Variants in ADAMTS2 observed in about 807,000 individuals in gnomAD.
ADAMTS2 encodes the protein ADAM metallopeptidase with thrombospondin type 1 motif 2, also known as A disintegrin and metalloproteinase with thrombospondin motifs 2.
In ADAMTS2, 50 loss-of-function variants were observed where a neutral mutation model predicts 123.0. That is an observed-to-expected ratio of 0.41 (90% CI 0.32 to 0.51). The LOEUF is 0.51. Among genes scored for constraint, ADAMTS2 ranks in the 20% least tolerant of loss-of-function variants. The probability of loss-of-function intolerance (pLI) is 0.35; values close to 1 mark genes in which losing one functional copy is unlikely to be tolerated. For missense variants in ADAMTS2, 1,494 were observed against 1,705.2 expected (o/e 0.88, Z 2.18); for synonymous variants, 678 against 695.4 (o/e 0.98, Z 0.39).
chr5:179,114,201 T>C lies in ADAMTS2; in HGVS notation c.3302A>G (p.Asn1101Ser). 1.9e-6 allele frequency: 3 copies of C among 1,611,946 alleles called. No individual in the cohort carries two copies. The highest frequency in any genetic ancestry group is 2.5e-6 in the Non-Finnish European group (3 of 1,178,220). ...KSCNLYNNLT[N>S]VEGRIEPPPG... ...CGGTGGCTCTATCCTGCCCTCCACGTTGGTGAGGTTGTTGTACAGGTTACA... is the reference window on the plus strand; with the variant it reads ...CGGTGGCTCTATCCTGCCCTCCACGCTGGTGAGGTTGTTGTACAGGTTACA... Residue 1101 changes from asparagine (N) to serine (S), a missense_variant, in exon 22 of 22, where the codon AAC (asparagine) becomes AGC (serine). Physicochemically the swap from Asn to Ser is conservative, Grantham distance 46. Around this residue, in one of 6 missense-constraint regions of ADAMTS2, gnomAD observed 953 missense variants for 1,124.7 expected, o/e 0.85. Transcript: ENST00000251582.
intron 3 of ADAMTS2, among the ~76,000 whole-genome samples, chr5:179,236,739 C>T (rs1371722708): frequency 3.9e-5 from 6 of 152,112 alleles, no homozygotes; most frequent in Admixed American, 1.3e-4. Context: ...TGCAGTAAGC[C>T]GAGTCCATGC....
intron 3 of ADAMTS2, among the ~76,000 whole-genome samples, chr5:179,243,768 T>C (rs562527097): frequency 2.3e-4 from 35 of 152,228 alleles, no homozygotes; most frequent in Non-Finnish European, 4.1e-4. Context: ...AATATGTCTT[T>C]GAAAAAAGGA....
intron 11 of ADAMTS2, among the ~76,000 whole-genome samples, chr5:179,139,199 C>T (rs1236261452): frequency 6.6e-6 from 1 of 152,048 alleles, no homozygotes; most frequent in Non-Finnish European, 1.5e-5. Flanking sequence ...CCGGGACACT[C>T]CCTGGGTGAG....
intron 13 of ADAMTS2, among the ~76,000 whole-genome samples, chr5:179,135,084 TCCAGCCC>T (rs1251862953): frequency 1.9e-4 from 7 of 37,636 alleles, no homozygotes; most frequent in Non-Finnish European, 3.0e-4. Flanking sequence ...AGCTCCCGGC[TCCAGCCC>T]CCAGCTCCCG....
rs1763465189 is a variant in ADAMTS2, at chr5:179,156,145, A to T, written c.1133-1226T>A. The stretch of plus-strand genomic sequence containing the variant: ...CTTTCCATTCATCCTACTCAGCATT[A>T]CAGGAGCCTGCGAGATCTGAAAGCG... On this transcript the variant is annotated intron_variant, in intron 6 of 21. Transcript: ENST00000251582. Among the ~76,000 whole-genome samples, 3 of 152,038 alleles carry T rather than the reference A, an allele frequency of 2.0e-5. No homozygotes were observed. In the South Asian group the frequency reaches 6.2e-4, roughly 32 times the overall value.
chr5:179,336,948 C>T (rs1757629233), intron 2 of ADAMTS2, among the ~76,000 whole-genome samples: 1 of 152,232 alleles, frequency 6.6e-6, no homozygotes, highest in Non-Finnish European at 1.5e-5. Context: ...TGGTCCTGGA[C>T]ACTAGGGTTC....
intron 21 of ADAMTS2, chr5:179,120,967 A>G (rs1262392923): frequency 6.6e-6 from 1 of 152,192 alleles, no homozygotes; most frequent in Non-Finnish European, 1.5e-5. Flanking sequence ...AAATTGAGGT[A>G]ATTCTGTAGT....
intron 2 of ADAMTS2, among the ~76,000 whole-genome samples, chr5:179,280,521 A>C (rs1447674844): frequency 6.6e-6 from 1 of 152,156 alleles, no homozygotes; most frequent in Non-Finnish European, 1.5e-5. Flanking sequence ...CATCCTTCTA[A>C]AACTCTACTA....
intron 3 of ADAMTS2, among the ~76,000 whole-genome samples, chr5:179,254,224 T>C (rs978156604): frequency 6.6e-6 from 1 of 152,230 alleles, no homozygotes; most frequent in African/African-American, 2.4e-5. Flanking sequence ...GGGCATATGA[T>C]GCTCCCATGA....
In ADAMTS2 at chr5:179,125,955, T is replaced by C. The variant is rs2303642; in HGVS notation, c.2750+43A>G. ...AAGCACGGGAGCCCCTGGTGGCCCC[T>C]GGCCTGTCTCCTCTAGTGGGAGCCC... On this transcript the variant is annotated intron_variant, in intron 18 of 21. Coordinates refer to ENST00000251582, the MANE Select transcript of ADAMTS2 (RefSeq NM_014244.5). 76,622 of 1,612,072 alleles carry C rather than the reference T, an allele frequency of 0.048. 7,555 individuals are homozygous for C. Among genetic ancestry groups the C allele is most frequent in the African/African-American group, 0.4 (30,343 of 74,996 alleles).
At chr5:179,144,022 G>A (rs1284436547) in intron 10 of ADAMTS2, among the ~76,000 whole-genome samples, 1 of 152,044 alleles carries the variant, frequency 6.6e-6, no homozygotes, top group Non-Finnish European at 1.5e-5. Flanking sequence ...ATGATCTTCT[G>A]TATAGAAAAT....
chr5:179,216,426 C>A (rs544792996), intron 3 of ADAMTS2, among the ~76,000 whole-genome samples: 1 of 152,152 alleles, frequency 6.6e-6, no homozygotes, highest in African/African-American at 2.4e-5. Flanking sequence ...AGCTTTCCCC[C>A]CACCGAGAGC....
At chr5:179,138,048 G>T in intron 11 of ADAMTS2, 104 bp from the exon 12 acceptor site, 2 of 1,322,988 alleles carry the variant, frequency 1.5e-6, no homozygotes, top group South Asian at 1.3e-5. Context: ...AGTCTCAGGT[G>T]TCCGGGGGGC....
At chr5:179,204,563 A>C (rs140491842) in intron 4 of ADAMTS2, among the ~76,000 whole-genome samples, 3 of 152,294 alleles carry the variant, frequency 2.0e-5, no homozygotes, top group Middle Eastern at 3.4e-3. Flanking sequence ...ACCCTTTCTC[A>C]GAAGCTCCCA....
chr5:179,245,786 A>AAC (rs1561628542), intron 3 of ADAMTS2, among the ~76,000 whole-genome samples: 10 of 135,664 alleles, frequency 7.4e-5, no homozygotes, highest in African/African-American at 2.8e-4. Context: ...AAAAAAAAAA[A>AAC]AAAAAAAAAC....
At chr5:179,126,273 C>G (rs1762856874) in intron 17 of ADAMTS2, 143 bp from the exon 18 acceptor site, 3 of 1,246,720 alleles carry the variant, frequency 2.4e-6, no homozygotes, top group East Asian at 2.4e-5. Flanking sequence ...GGGCACCGAG[C>G]CTGCGGCTGG....
intron 3 of ADAMTS2, among the ~76,000 whole-genome samples, chr5:179,209,670 G>A (rs893155611): frequency 4.6e-5 from 7 of 152,038 alleles, no homozygotes; most frequent in Admixed American, 2.6e-4. Context: ...GCAGGCCTGC[G>A]GGCAGGGCTG....
At chr5:179,177,337 C>A (rs1763955246) in intron 5 of ADAMTS2, among the ~76,000 whole-genome samples, 1 of 152,184 alleles carries the variant, frequency 6.6e-6, no homozygotes, top group Non-Finnish European at 1.5e-5. Flanking sequence ...ATTTTTACTT[C>A]TATTTTTAGA....
intron 4 of ADAMTS2, among the ~76,000 whole-genome samples, chr5:179,182,994 C>T (rs1043514201): frequency 1.3e-5 from 2 of 152,180 alleles, no homozygotes. Flanking sequence ...ATTGCAGTCC[C>T]CCCATCACAA....
Sources: allele counts gnomAD v4.1 joint callset (sites outside exome capture counted in the v4.1 genomes callset), GRCh38; gene constraint gnomAD v4.1.1; regional missense constraint gnomAD v4.1.1; transcripts MANE v1.5; gene names NCBI Gene and HGNC (gene_info 2026-07-23, HGNC 2026-07-21).